The following NPAS2 variants were observed in gnomAD, a reference collection of about 807,000 sequenced individuals.
NPAS2 encodes the protein neuronal PAS domain protein 2.
NPAS2 carries 23 observed loss-of-function variants against 107.5 expected under a neutral mutation model. The observed-to-expected ratio is 0.21, with a 90% CI of 0.15 to 0.30. NPAS2 has a LOEUF of 0.30. Among genes scored for constraint, NPAS2 ranks in the 10% least tolerant of loss-of-function variants. NPAS2 has a pLI of 1.00. For missense variants in NPAS2, 756 were observed against 1,043.3 expected (o/e 0.72, Z 3.79); for synonymous variants, 403 against 417.5 (o/e 0.97, Z 0.42).
intron 1 of NPAS2, among the ~76,000 whole-genome samples, chr2:100,897,491 C>T (rs1681483727): frequency 6.6e-6 from 1 of 152,194 alleles, no homozygotes; most frequent in African/African-American, 2.4e-5. Context: ...TGCCCCTCTG[C>T]CCCTGGCTCC....
intron 1 of NPAS2, among the ~76,000 whole-genome samples, chr2:100,837,269 T>G (rs1677127242): frequency 6.6e-6 from 1 of 152,172 alleles, no homozygotes. Context: ...TCCTAATATC[T>G]TATTCTCTTT....
Position 100,976,104 on chromosome 2 carries a change from A to G in NPAS2, c.1392+537A>G, listed in dbSNP as rs1046975766. On this transcript the variant is annotated intron_variant, in intron 14 of 20. Coordinates refer to ENST00000335681, the MANE Select transcript of NPAS2 (RefSeq NM_002518.4). This position sits in a 1 kb window ranked among gnomAD's most constrained non-coding sequence, Gnocchi z 4.1. ...TACACCTAACTTAGTGGCCTAAAGC[A>G]ACCACATGTATGAAGTTCATGGAGT... 6.6e-6 allele frequency among the ~76,000 whole-genome samples: 1 copy of G among 152,116 alleles called. No homozygotes were observed. Among genetic ancestry groups the G allele is most frequent in the Admixed American group, 6.6e-5 (1 of 15,254 alleles).
chr2:100,977,047 A>AT (rs1406609540), intron 14 of NPAS2: 1 of 152,116 alleles, frequency 6.6e-6, no homozygotes, highest in Non-Finnish European at 1.5e-5. Flanking sequence ...TTAAAAAAAA[A>AT]AAAAACCACT....
intron 1 of NPAS2, among the ~76,000 whole-genome samples, chr2:100,850,944 ACT>A (rs1375817650): frequency 6.7e-5 from 7 of 104,054 alleles, no homozygotes; most frequent in Admixed American, 1.2e-4. Context: ...CAAGAGTGAA[ACT>A]CTGTCTCAAA....
At chr2:100,901,405 T>C (rs1681761727) in intron 1 of NPAS2, 1 of 392,614 alleles carries the variant, frequency 2.5e-6, no homozygotes, top group African/African-American at 2.2e-5. Context: ...TGCCTGGATT[T>C]CAAACTGGGG....
At position 100,947,601 on chromosome 2, in the gene NPAS2, C is replaced by T. The variant is rs61247577; in HGVS notation, c.364-634C>T. On this transcript the variant is annotated intron_variant, in intron 5 of 20. Transcript: ENST00000335681. ...TTCAGTTCCTTGTTCACACTAGCCA[C>T]GTTTCAAGTGCTCAGTAACCATGTG... Among the ~76,000 whole-genome samples, 55 of 152,144 alleles carry T rather than the reference C, an allele frequency of 3.6e-4. No individual in the cohort carries two copies. In the East Asian group the frequency reaches 9.9e-3, roughly 27 times the overall value.
At chr2:100,845,416 C>T (rs2104444681) in intron 1 of NPAS2, among the ~76,000 whole-genome samples, 1 of 152,284 alleles carries the variant, frequency 6.6e-6, no homozygotes. Context: ...ATGTGGTCTG[C>T]CCATTGTCCA....
At chr2:100,860,396 A>G (rs1678865467) in intron 1 of NPAS2, among the ~76,000 whole-genome samples, 1 of 152,224 alleles carries the variant, frequency 6.6e-6, no homozygotes, top group African/African-American at 2.4e-5. Flanking sequence ...TTAAGGCGGT[A>G]TCTGCCAGGT....
At chr2:100,898,076 C>A (rs1681529215) in intron 1 of NPAS2, among the ~76,000 whole-genome samples, 1 of 152,110 alleles carries the variant, frequency 6.6e-6, no homozygotes, top group Non-Finnish European at 1.5e-5. Flanking sequence ...AAAATCGCAT[C>A]AAGCTATCAC....
At chr2:100,838,709 G>A (rs950011100) in intron 1 of NPAS2, among the ~76,000 whole-genome samples, 6 of 152,134 alleles carry the variant, frequency 3.9e-5, no homozygotes, top group Non-Finnish European at 7.3e-5. Flanking sequence ...CTGAGAAATT[G>A]AGATAACAAG....
At chr2:100,901,550 G>A in intron 1 of NPAS2, 1 of 985,280 alleles carries the variant, frequency 1.0e-6, no homozygotes, top group South Asian at 4.7e-5. Context: ...ACGCTCCCCT[G>A]TGCAGAGGAT....
At chr2:100,919,397 A>T (rs968613659) in intron 2 of NPAS2, among the ~76,000 whole-genome samples, 6 of 152,142 alleles carry the variant, frequency 3.9e-5, no homozygotes, top group Non-Finnish European at 7.4e-5. Context: ...CAAAAACAAA[A>T]AAACGTTTTA....
chr2:100,924,529 C>G (rs1002916198), intron 2 of NPAS2, among the ~76,000 whole-genome samples: 1 of 152,224 alleles, frequency 6.6e-6, no homozygotes, highest in Non-Finnish European at 1.5e-5. Flanking sequence ...TAACTTTCCT[C>G]CATGTCATTT....
intron 3 of NPAS2, among the ~76,000 whole-genome samples, chr2:100,932,159 T>C (rs1683999715): frequency 6.6e-6 from 1 of 152,250 alleles, no homozygotes; most frequent in Non-Finnish European, 1.5e-5. Context: ...TGATATTACA[T>C]TTGAGCCACC....
intron 7 of NPAS2, among the ~76,000 whole-genome samples, chr2:100,958,624 A>G (rs1476118588): frequency 6.6e-6 from 1 of 152,198 alleles, no homozygotes; most frequent in Non-Finnish European, 1.5e-5. Flanking sequence ...TGGGGTTCAT[A>G]TTAAAATGGA....
chr2:100,927,147 G>T (rs1468039227), intron 3 of NPAS2, among the ~76,000 whole-genome samples: 2 of 151,798 alleles, frequency 1.3e-5, no homozygotes, highest in Non-Finnish European at 2.9e-5. Context: ...TGTTAGCCAG[G>T]ATAGTCTCAA....
chr2:100,895,315 T>C (rs539515884), intron 1 of NPAS2, among the ~76,000 whole-genome samples: 1 of 152,342 alleles, frequency 6.6e-6, no homozygotes, highest in East Asian at 1.9e-4. Flanking sequence ...TCCCTTGGAC[T>C]CTCTTATGCT....
At chr2:100,843,731 A>G (rs1677592529) in intron 1 of NPAS2, among the ~76,000 whole-genome samples, 1 of 152,166 alleles carries the variant, frequency 6.6e-6, no homozygotes, top group South Asian at 2.1e-4. Flanking sequence ...AAGGAAGTAG[A>G]TGACATTTAT....
At position 100,977,691 on chromosome 2, in the gene NPAS2, GC is replaced by G; in HGVS notation, c.1393-15del. Reference sequence around the variant, plus strand: ...GAATGGCAGAAGCAGTGGTAACAAAGCCCCTTTCTCTCCCACAGGCCCCTCT... The same window carrying G: ...GAATGGCAGAAGCAGTGGTAACAAAGCCCTTTCTCTCCCACAGGCCCCTCT... On this transcript the variant is annotated intron_variant, in intron 14 of 20. Transcript: ENST00000335681. The G allele has an allele frequency of 6.2e-7, 1 of 1,608,190 alleles. No homozygotes were observed. Among genetic ancestry groups the G allele is most frequent in the Middle Eastern group, 1.7e-4 (1 of 6,052 alleles).
Sources: allele counts gnomAD v4.1 joint callset (sites outside exome capture counted in the v4.1 genomes callset), GRCh38; gene constraint gnomAD v4.1.1; non-coding constraint Gnocchi (gnomAD v3.1); transcripts MANE v1.5; gene names NCBI Gene and HGNC (gene_info 2026-07-23, HGNC 2026-07-21).